The following KHDC1 variants were observed in gnomAD, a reference collection of about 807,000 sequenced individuals.
The protein encoded by KHDC1 is KH homology domain-containing protein 1.
Under a neutral mutation model 24.7 loss-of-function variants are expected in KHDC1, and 21 were observed. That is an observed-to-expected ratio of 0.85 (90% CI 0.60 to 1.23). The LOEUF is 1.23. Ranked by LOEUF, KHDC1 falls within the 50% of genes most tolerant of loss-of-function variation. The pLI, the probability that KHDC1 is intolerant of heterozygous loss-of-function variation, is 0.00. For synonymous variants in KHDC1, 98 were observed against 111.7 expected, an observed-to-expected ratio of 0.88 and a Z score of 0.77; for missense variants, 274 against 298.5, an observed-to-expected ratio of 0.92 and a Z score of 0.61.
chr6:73,282,155 T>C (rs1022676540), intron 2 of KHDC1, among the ~76,000 whole-genome samples: 1 of 145,336 alleles, frequency 6.9e-6, no homozygotes, highest in Non-Finnish European at 1.5e-5. Context: ...AAGGCGAAGG[T>C]TGTAGTGAGC....
chr6:73,292,613 T>G (rs1582584041), intron 1 of KHDC1: 1 of 760,076 alleles, frequency 1.3e-6, no homozygotes, highest in Non-Finnish European at 2.5e-6. Context: ...CGTTCACTGG[T>G]CTCTGTTTTC....
intron 1 of KHDC1, among the ~76,000 whole-genome samples, chr6:73,298,423 A>ATTTTTTTTTTTTTTTTTT (rs370446904): frequency 1.7e-4 from 10 of 59,976 alleles, no homozygotes; most frequent in African/African-American, 6.8e-4. Context: ...TACTTTGCAA[A>ATTTTTTTTTTTTTTTTTT]TTTTTTTTTT....
intron 1 of KHDC1, chr6:73,309,447 A>T: frequency 1.7e-6 from 2 of 1,177,444 alleles, no homozygotes; most frequent in Non-Finnish European, 2.3e-6. Flanking sequence ...AGGCCTTCAG[A>T]CTAAGGAGCT....
intron 1 of KHDC1, chr6:73,300,420 A>C (rs1045277936): frequency 6.6e-6 from 1 of 151,860 alleles, no homozygotes; most frequent in Non-Finnish European, 1.5e-5. Context: ...TCACAACATC[A>C]TCCTCCTCCT....
intron 2 of KHDC1, among the ~76,000 whole-genome samples, chr6:73,267,089 A>G (rs991928471): frequency 6.6e-6 from 1 of 152,238 alleles, no homozygotes; most frequent in Middle Eastern, 3.2e-3. Context: ...AATGGCCAAT[A>G]AGAACATGAA....
intron 2 of KHDC1, among the ~76,000 whole-genome samples, chr6:73,250,713 C>T (rs1766763831): frequency 6.6e-6 from 1 of 152,228 alleles, no homozygotes; most frequent in Admixed American, 6.5e-5. Flanking sequence ...GTGTTCCACT[C>T]TCCAAGGAGG....
At chr6:73,268,664 C>G (rs1767120534) in intron 2 of KHDC1, 1 of 152,284 alleles carries the variant, frequency 6.6e-6, no homozygotes, top group Non-Finnish European at 1.5e-5. Flanking sequence ...CAAGGCCCCA[C>G]CAGAGCAGCT....
At chr6:73,244,485 A>T (rs534718471) in intron 2 of KHDC1, among the ~76,000 whole-genome samples, 10 of 152,198 alleles carry the variant, frequency 6.6e-5, no homozygotes, top group South Asian at 6.2e-4. Context: ...TAATACTGTC[A>T]GGAAAATTCA....
chr6:73,275,185 C>G (rs915641503), intron 2 of KHDC1: 7 of 152,154 alleles, frequency 4.6e-5, no homozygotes, highest in African/African-American at 1.7e-4. Flanking sequence ...AAACCCCGTC[C>G]CTACTAAAAA....
At chr6:73,309,512 G>A (rs1481002850) in intron 1 of KHDC1, 5 of 1,483,058 alleles carry the variant, frequency 3.4e-6, no homozygotes, top group Non-Finnish European at 3.6e-6. Flanking sequence ...GCACCTGGGT[G>A]AAGGAAGCTT....
intron 2 of KHDC1, among the ~76,000 whole-genome samples, chr6:73,251,478 C>T (rs1011240954): frequency 6.6e-6 from 1 of 152,164 alleles, no homozygotes; most frequent in Non-Finnish European, 1.5e-5. Flanking sequence ...AACAAAAATA[C>T]TATAGAAAGC....
rs555170834 is a variant in KHDC1, at chr6:73,288,457, C to T, written c.206+3541G>A. ...GCAACATGGTTAAACCCCATCTCTACTAAAAATACAAACATTAGCTGAGCA... is the reference window on the plus strand; with the variant it reads ...GCAACATGGTTAAACCCCATCTCTATTAAAAATACAAACATTAGCTGAGCA... On this transcript the variant is annotated intron_variant, in intron 2 of 4. Transcript: ENST00000370384. 3.3e-5 allele frequency among the ~76,000 whole-genome samples: 5 copies of T among 152,212 alleles called. No individual in the cohort carries two copies. In the South Asian group the frequency reaches 1.0e-3, roughly 32 times the overall value.
chr6:73,243,424 A>T (rs1251326761), intron 2 of KHDC1, among the ~76,000 whole-genome samples: 28 of 152,176 alleles, frequency 1.8e-4, no homozygotes, highest in Non-Finnish European at 2.2e-4. Flanking sequence ...TCAGATCTAC[A>T]CCATTGTCAG....
At chr6:73,261,476 C>T (rs1295457036) in intron 2 of KHDC1, among the ~76,000 whole-genome samples, 1 of 151,158 alleles carries the variant, frequency 6.6e-6, no homozygotes, top group Non-Finnish European at 1.5e-5. Context: ...AAAAAATAAG[C>T]ATAGACTCTA....
chr6:73,242,411 A>G (rs1766590069), exon 3 of KHDC1: 1 of 1,614,072 alleles, frequency 6.2e-7, no homozygotes, highest in Admixed American at 1.7e-5. Context: ...CTCACCGAAG[A>G]TGAGCTCCTC....
intron 2 of KHDC1, among the ~76,000 whole-genome samples, chr6:73,245,496 AG>A (rs1766649615): frequency 6.6e-6 from 1 of 152,234 alleles, no homozygotes; most frequent in Non-Finnish European, 1.5e-5. Context: ...GGCAGAGTAC[AG>A]GTTCAGGAAG....
intron 1 of KHDC1, among the ~76,000 whole-genome samples, chr6:73,302,753 T>C (rs1194701409): frequency 1.3e-5 from 2 of 152,168 alleles, no homozygotes; most frequent in African/African-American, 2.4e-5. Flanking sequence ...TTATGTGATA[T>C]AGATATATGA....
chr6:73,257,910 T>C (rs1766909356), intron 2 of KHDC1, among the ~76,000 whole-genome samples: 1 of 151,986 alleles, frequency 6.6e-6, no homozygotes, highest in African/African-American at 2.4e-5. Flanking sequence ...GAGTTCAAGA[T>C]CAGGCTGGGC....
At chr6:73,263,147 A>G in intron 2 of KHDC1, 1 of 988,196 alleles carries the variant, frequency 1.0e-6, no homozygotes, top group Non-Finnish European at 1.2e-6. Flanking sequence ...CGACCCTTCC[A>G]GGGGTCCCGG....
Sources: allele counts gnomAD v4.1 joint callset (sites outside exome capture counted in the v4.1 genomes callset), GRCh38; gene constraint gnomAD v4.1.1; transcripts MANE v1.5; gene names NCBI Gene and HGNC (gene_info 2026-07-23, HGNC 2026-07-21).